The following HMGB1 variants were observed in gnomAD, a reference collection of about 807,000 sequenced individuals.
The protein encoded by HMGB1 is high mobility group box 1.
For synonymous variants in HMGB1, 81 were observed against 84.0 expected (o/e 0.96, Z 0.19); for missense variants, 79 against 253.5 (o/e 0.31, Z 4.67).
chr13:30,561,602 TG>T (rs1468117438), intron 1 of HMGB1, among the ~76,000 whole-genome samples: 1 of 152,126 alleles, frequency 6.6e-6, no homozygotes, highest in Non-Finnish European at 1.5e-5. Flanking sequence ...CAGATGACAC[TG>T]GGTTGAAGAC....
chr13:30,577,248 G>T (rs1280023441), intron 1 of HMGB1, among the ~76,000 whole-genome samples: 1 of 151,834 alleles, frequency 6.6e-6, no homozygotes, highest in East Asian at 1.9e-4. Context: ...GCTGAGGCAG[G>T]AGGATGGCTT....
chr13:30,606,375 A>G (rs1178480601), intron 1 of HMGB1, among the ~76,000 whole-genome samples: 1 of 152,232 alleles, frequency 6.6e-6, no homozygotes, highest in Non-Finnish European at 1.5e-5. Flanking sequence ...CAGGGTTTAT[A>G]TACCCTATAT....
In HMGB1 at chr13:30,508,936, T is replaced by C. The variant is rs552422812; in HGVS notation, c.-14-45242A>G. Among the ~76,000 whole-genome samples, 3 of 152,322 alleles carry C rather than the reference T, an allele frequency of 2.0e-5. No homozygotes were observed. In the East Asian group the frequency reaches 5.8e-4, roughly 29 times the overall value. On this transcript the variant is annotated intron_variant, in intron 1 of 4. Coordinates refer to the HMGB1 transcript ENST00000405805. ...AAAATATATTCATGAATTAATCCAA[T>C]ATTTTTGTTTTGTTTTGAGACAGGG...
At chr13:30,593,164 G>A (rs1871442463) in intron 1 of HMGB1, among the ~76,000 whole-genome samples, 1 of 152,152 alleles carries the variant, frequency 6.6e-6, no homozygotes, top group South Asian at 2.1e-4. Context: ...GGAGCAGCAG[G>A]GATTTCCCAC....
rs1887146065 is a variant in HMGB1 at position 30,478,311 on chromosome 13, C to T, written c.-14-14617G>A. On this transcript the variant is annotated intron_variant, in intron 1 of 4. Coordinates refer to the HMGB1 transcript ENST00000405805. ...GTCATTGTACCTGTGAATAGACACA[C>T]TCCAGCCTGGGGACAGAGTGAGACC... is the stretch of plus-strand genomic sequence containing the variant. Among the ~76,000 whole-genome samples the T allele has an allele frequency of 2.0e-5, 3 of 152,152 alleles. 1 individual carries two copies. The South Asian group carries it at 6.2e-4, about 32-fold the overall frequency.
intron 1 of HMGB1, among the ~76,000 whole-genome samples, chr13:30,508,350 A>T (rs112036172): frequency 6.6e-6 from 1 of 151,870 alleles, no homozygotes; most frequent in Non-Finnish European, 1.5e-5. Flanking sequence ...CATCTCTAAT[A>T]AAAATACAAA....
chr13:30,544,490 A>G (rs78454135), intron 1 of HMGB1, among the ~76,000 whole-genome samples: 390 of 152,324 alleles, frequency 2.6e-3, no homozygotes, highest in Non-Finnish European at 4.1e-3. Flanking sequence ...GCAATAGGCA[A>G]TGATGTAGTC....
At position 30,459,414 on chromosome 13, in the gene HMGB1, TCA is replaced by T. The variant is rs1040295782; in HGVS notation, c.*1941_*1942del. 7 of 152,186 alleles carry T rather than the reference TCA, an allele frequency of 4.6e-5. No homozygotes were observed. The highest frequency in any genetic ancestry group is 1.7e-4 in the African/African-American group (7 of 41,438). The allele number at this position is 152,186 out of a possible 1,614,324, so 9.4% of individuals were successfully genotyped here. On this transcript the variant is annotated 3_prime_UTR_variant, in exon 5 of 5. Coordinates refer to ENST00000341423, the MANE Select transcript of HMGB1 (RefSeq NM_002128.7). Reference sequence around the variant, plus strand: ...TTACAAATTCTCCTTGAGCCAGAATTCATTTTAAATGGATCAGAATTATTAAT... The same window carrying T: ...TTACAAATTCTCCTTGAGCCAGAATTTTTTAAATGGATCAGAATTATTAAT...
rs77107927 is a variant in HMGB1, at chr13:30,615,825, T to C, written c.-15+846A>G. ...AGAAAAAAAGAGAAAATCCTAATCA[T>C]ACAGAAGCACTGAACTACTGCAGCT... On this transcript the variant is annotated intron_variant, in intron 1 of 4. Transcript: ENST00000405805. Among the ~76,000 whole-genome samples the C allele has an allele frequency of 7.2e-4, 109 of 152,338 alleles. 1 individual carries two copies. Among genetic ancestry groups the C allele is most frequent in the Non-Finnish European group, 1.1e-3 (75 of 68,024 alleles).
At chr13:30,465,036 G>A (rs1886673758) in intron 1 of HMGB1, 1 of 414,304 alleles carries the variant, frequency 2.4e-6, no homozygotes, top group Non-Finnish European at 3.1e-6. Context: ...CACGGAGAAC[G>A]CGGGGCTGTG....
At chr13:30,519,501 C>G (rs534586021) in intron 1 of HMGB1, among the ~76,000 whole-genome samples, 2 of 150,694 alleles carry the variant, frequency 1.3e-5, no homozygotes, top group Non-Finnish European at 3.0e-5. Flanking sequence ...CGAGACCATC[C>G]CGGCTAACAC....
chr13:30,474,967 T>G (rs1237487810), intron 1 of HMGB1, among the ~76,000 whole-genome samples: 13 of 131,692 alleles, frequency 9.9e-5, no homozygotes, highest in Middle Eastern at 3.7e-3. Context: ...TTGTTTTTTT[T>G]TTTTTTTTTT....
intron 1 of HMGB1, among the ~76,000 whole-genome samples, chr13:30,535,466 T>C (rs1025769928): frequency 6.6e-6 from 1 of 152,216 alleles, no homozygotes. Flanking sequence ...GGTGAACATC[T>C]TTTCCTCCAT....
At chr13:30,553,366 G>A (rs1869520252) in intron 1 of HMGB1, among the ~76,000 whole-genome samples, 1 of 152,142 alleles carries the variant, frequency 6.6e-6, no homozygotes, top group Non-Finnish European at 1.5e-5. Context: ...TGGTGGCTTG[G>A]GAGCCAGACA....
rs1454279170 is a variant in HMGB1, at chr13:30,460,118, TTTG to T, written c.*1236_*1238del. Reference sequence around the variant, plus strand: ...CAGATAAACATGACTAATGAATGAGTTTGTTTTGTAAAGAAAAATCATTCAAAT... The same window carrying T: ...CAGATAAACATGACTAATGAATGAGTTTTTGTAAAGAAAAATCATTCAAAT... On this transcript the variant is annotated 3_prime_UTR_variant, in exon 5 of 5. Transcript: ENST00000341423. 8.5e-5 allele frequency: 13 copies of T among 152,250 alleles called. No homozygotes were observed. The highest frequency in any genetic ancestry group is 1.9e-4 in the African/African-American group (8 of 41,322). 9.4% of individuals were successfully genotyped at this position (152,250 alleles called of 1,614,324 possible). A position where few individuals can be genotyped will look rare whatever the true frequency, so the allele number is the denominator to read the frequency against.
At chr13:30,471,502 C>G (rs373308262) in intron 1 of HMGB1, among the ~76,000 whole-genome samples, 1 of 151,094 alleles carries the variant, frequency 6.6e-6, no homozygotes, top group Non-Finnish European at 1.5e-5. Flanking sequence ...CATGGGCCAC[C>G]ACACCTGGCT....
intron 1 of HMGB1, chr13:30,539,491 G>A (rs1044805405): frequency 1.3e-5 from 3 of 227,804 alleles, no homozygotes; most frequent in African/African-American, 6.9e-5. Context: ...AGCTACCATG[G>A]AAACTACGAA....
intron 1 of HMGB1, among the ~76,000 whole-genome samples, chr13:30,494,786 C>A (rs1252455889): frequency 6.6e-6 from 1 of 152,180 alleles, no homozygotes; most frequent in Admixed American, 6.6e-5. Flanking sequence ...CCATTAAATA[C>A]TAACTCCCAC....
upstream of HMGB1, among the ~76,000 whole-genome samples, chr13:30,466,317 C>A (rs1225840748): frequency 6.7e-6 from 1 of 149,934 alleles, no homozygotes; most frequent in Admixed American, 6.6e-5. Context: ...TCTTGCCCCA[C>A]ATTCACGCCC....
Sources: allele counts gnomAD v4.1 joint callset (sites outside exome capture counted in the v4.1 genomes callset), GRCh38; gene constraint gnomAD v4.1.1; transcripts MANE v1.5; gene names NCBI Gene and HGNC (gene_info 2026-07-23, HGNC 2026-07-21).